GNAO1: variants seen among roughly 807,000 people sequenced by gnomAD.
GNAO1 encodes the protein guanine nucleotide-binding protein G(o) subunit alpha.
For missense variants in GNAO1, 166 were observed against 478.7 expected, an observed-to-expected ratio of 0.35 and a Z score of 6.10; for synonymous variants, 164 against 180.7, an observed-to-expected ratio of 0.91 and a Z score of 0.74.
In GNAO1 at chr16:56,339,988, C is replaced by G. The variant is rs77887830; in HGVS notation, c.723+3128C>G. Among the ~76,000 whole-genome samples the G allele has an allele frequency of 8.5e-5, 13 of 152,378 alleles. No homozygotes were observed. The East Asian group carries it at 2.5e-3, about 29-fold the overall frequency. ...TTGGCCTGGGCTCATCCCACCCATCCTGCATCTCTTGCCCTGCAATCCACA... is the reference window on the plus strand; with the variant it reads ...TTGGCCTGGGCTCATCCCACCCATCGTGCATCTCTTGCCCTGCAATCCACA... On this transcript the variant is annotated intron_variant, in intron 6 of 8. Coordinates refer to ENST00000262493, the MANE Select transcript of GNAO1 (RefSeq NM_020988.3).
At chr16:56,352,433 G>T (rs1295638853) in intron 7 of GNAO1, 1 of 152,448 alleles carries the variant, frequency 6.6e-6, no homozygotes, top group Non-Finnish European at 1.5e-5. Flanking sequence ...GGGGTCCCTG[G>T]GGTAGGAGTT....
rs533341439 is a variant in GNAO1 at position 56,215,709 on chromosome 16, C to G, written c.161+23093C>G. On this transcript the variant is annotated intron_variant, in intron 2 of 8. Coordinates refer to ENST00000262493, the MANE Select transcript of GNAO1 (RefSeq NM_020988.3). ...ACATTTACATAATAAGTAGAGTGGT[C>G]CATTTACATTGCTGTGGGTTCTCTC... Among the ~76,000 whole-genome samples the G allele has an allele frequency of 5.3e-5, 8 of 152,234 alleles. 1 individual carries two copies. The South Asian group carries it at 1.7e-3, about 32-fold the overall frequency.
chr16:56,224,532 C>T (rs957632565), intron 2 of GNAO1, among the ~76,000 whole-genome samples: 17 of 152,268 alleles, frequency 1.1e-4, no homozygotes, highest in African/African-American at 3.9e-4. Context: ...GGCTGGAGTG[C>T]AATGTTGTGA....
chr16:56,209,344 C>T (rs1286047049), intron 2 of GNAO1, among the ~76,000 whole-genome samples: 2 of 152,180 alleles, frequency 1.3e-5, no homozygotes, highest in Admixed American at 6.5e-5. Flanking sequence ...GACAGTGCCA[C>T]ACTGTCTTGA....
chr16:56,301,335 T>C (rs2037341379), intron 3 of GNAO1: 1 of 152,108 alleles, frequency 6.6e-6, no homozygotes. Context: ...CTTTTGAGGG[T>C]CAAAGAAAGG....
chr16:56,289,351 C>T (rs563158130), intron 3 of GNAO1, among the ~76,000 whole-genome samples: 10 of 152,252 alleles, frequency 6.6e-5, no homozygotes, highest in South Asian at 2.1e-4. Flanking sequence ...CAGTCTAAGA[C>T]GGGAGTATAG....
chr16:56,313,017 G>T (rs1246486807), intron 3 of GNAO1, among the ~76,000 whole-genome samples: 1 of 152,216 alleles, frequency 6.6e-6, no homozygotes, highest in African/African-American at 2.4e-5. Context: ...GGGATCCAGA[G>T]AATTTAGCAT....
intron 3 of GNAO1, among the ~76,000 whole-genome samples, chr16:56,317,357 G>A (rs1486161825): frequency 6.6e-6 from 1 of 152,182 alleles, no homozygotes; most frequent in African/African-American, 2.4e-5. Flanking sequence ...TGTGTTCAAG[G>A]CACCAACTAC....
chr16:56,316,715 C>A (rs1362296465), intron 3 of GNAO1, among the ~76,000 whole-genome samples: 2 of 152,216 alleles, frequency 1.3e-5, no homozygotes, highest in Non-Finnish European at 2.9e-5. Context: ...GCTGATGGAT[C>A]TGACGCCCCT....
At chr16:56,312,752 G>T (rs1441222774) in intron 3 of GNAO1, among the ~76,000 whole-genome samples, 1 of 152,242 alleles carries the variant, frequency 6.6e-6, no homozygotes, top group Non-Finnish European at 1.5e-5. Context: ...TGCTGCATGG[G>T]ACGGTCTGCC....
chr16:56,264,415 G>A (rs2036932924), intron 2 of GNAO1, among the ~76,000 whole-genome samples: 1 of 152,204 alleles, frequency 6.6e-6, no homozygotes, highest in Admixed American at 6.5e-5. Flanking sequence ...GGAAAGGGCA[G>A]GGTTCATGTT....
intron 3 of GNAO1, among the ~76,000 whole-genome samples, chr16:56,327,701 G>A (rs1387765008): frequency 6.6e-6 from 1 of 152,162 alleles, no homozygotes; most frequent in African/African-American, 2.4e-5. Flanking sequence ...GGAAGGGGAA[G>A]AAACCTGTTA....
intron 2 of GNAO1, among the ~76,000 whole-genome samples, chr16:56,221,968 T>C (rs1298779104): frequency 6.6e-6 from 1 of 152,192 alleles, no homozygotes; most frequent in Admixed American, 6.5e-5. Context: ...TCTGCTTCTA[T>C]GCAGGGATGG....
At chr16:56,353,840 G>A (rs2143703241) in intron 7 of GNAO1, among the ~76,000 whole-genome samples, 1 of 152,320 alleles carries the variant, frequency 6.6e-6, no homozygotes. Flanking sequence ...GCCCAGAGCT[G>A]GTCTCAGCCA....
At position 56,343,648 on chromosome 16, in the gene GNAO1, A is replaced by T. The variant is rs1267495391; in HGVS notation, c.723+6788A>T. The T allele has an allele frequency of 9.6e-6, 7 of 730,454 alleles. No individual in the cohort carries two copies. The East Asian group carries it at 1.9e-4, about 20-fold the overall frequency. The allele number at this position is 730,454 out of a possible 1,614,324, so 45.2% of individuals were successfully genotyped here. ...CCCCTCCATCAGGTTTTCCCTGTGCAGTTGTCTCTGAGAGGCCCAAGGCCG... is the reference window on the plus strand; with the variant it reads ...CCCCTCCATCAGGTTTTCCCTGTGCTGTTGTCTCTGAGAGGCCCAAGGCCG... On this transcript the variant is annotated intron_variant, in intron 6 of 8. Transcript: ENST00000262493.
intron 2 of GNAO1, among the ~76,000 whole-genome samples, chr16:56,246,378 T>C (rs2036744174): frequency 6.6e-6 from 1 of 152,326 alleles, no homozygotes; most frequent in South Asian, 2.1e-4. Context: ...ATGTCTGTTC[T>C]TGGTAACATG....
rs1218286041 is a variant in GNAO1, at chr16:56,253,319, G to A, written c.162-22612G>A. Among the ~76,000 whole-genome samples, 4 of 152,234 alleles carry A rather than the reference G, an allele frequency of 2.6e-5. No individual in the cohort carries two copies. In the East Asian group the frequency reaches 7.7e-4, roughly 29 times the overall value. ...CGAAGATTAGCAGGGAGGAAGCTGG[G>A]ATGTGGAGTCAGAAGACCTGGGTTG... is the stretch of plus-strand genomic sequence containing the variant. On this transcript the variant is annotated intron_variant, in intron 2 of 8. Transcript: ENST00000262493.
intron 2 of GNAO1, among the ~76,000 whole-genome samples, chr16:56,256,147 T>A (rs1567456962): frequency 6.6e-6 from 1 of 152,192 alleles, no homozygotes; most frequent in Non-Finnish European, 1.5e-5. Flanking sequence ...GTGGCAGCAG[T>A]CCACAGCTGG....
chr16:56,351,315 C>A lies in GNAO1; in HGVS notation c.724-69C>A. On this transcript the variant is annotated intron_variant, in intron 6 of 8. Transcript: ENST00000262493. This position sits in a 1 kb window ranked among gnomAD's most constrained non-coding sequence, Gnocchi z 6.1. ...CCTCTCTGTCAAGCCTAATTCTCTC[C>A]TTCTCTTTCCCTGTCTCTGTGTCTC... is the stretch of plus-strand genomic sequence containing the variant. 8.6e-7 allele frequency: 1 copy of A among 1,162,404 alleles called. No individual in the cohort carries two copies. The highest frequency in any genetic ancestry group is 1.3e-5 in the South Asian group (1 of 75,532). The allele number at this position is 1,162,404 out of a possible 1,614,324, so 72.0% of individuals were successfully genotyped here.
Sources: gnomAD v4.1 joint callset for allele counts (sites outside exome capture counted in the v4.1 genomes callset) on GRCh38, gnomAD v4.1.1 for gene constraint, Gnocchi (gnomAD v3.1) non-coding constraint, MANE v1.5 for transcripts, NCBI Gene and HGNC (gene_info 2026-07-23, HGNC 2026-07-21) for gene names.